Variants in RAP1GAP2 observed in about 807,000 individuals in gnomAD.
RAP1GAP2 encodes RAP1 GTPase activating protein 2.
RAP1GAP2 carries 27 observed loss-of-function variants against 95.0 expected under a neutral mutation model. The ratio of observed to expected loss-of-function variants is 0.28; its 90% CI spans 0.21 to 0.39. RAP1GAP2 has a LOEUF of 0.39. Ranked by LOEUF, RAP1GAP2 falls within the 10% of genes least tolerant of loss-of-function variation. The probability of loss-of-function intolerance (pLI) is 1.00; values close to 1 mark genes in which losing one functional copy is unlikely to be tolerated. For synonymous variants in RAP1GAP2, 373 were observed against 380.9 expected, an observed-to-expected ratio of 0.98 and a Z score of 0.24; for missense variants, 771 against 970.0, an observed-to-expected ratio of 0.79 and a Z score of 2.72.
rs183424313 is a variant in RAP1GAP2, at chr17:3,022,258, A to G, written c.1751+1663A>G. Among the ~76,000 whole-genome samples the G allele has an allele frequency of 1.6e-3, 246 of 152,354 alleles. 2 individuals carry two copies. Among genetic ancestry groups the G allele is most frequent in the Admixed American group, 6.5e-3 (100 of 15,300 alleles). On this transcript the variant is annotated intron_variant, in intron 19 of 24. Coordinates refer to ENST00000254695, the MANE Select transcript of RAP1GAP2 (RefSeq NM_015085.5). The stretch of plus-strand genomic sequence containing the variant: ...TCACAGACTCCAAATTATTAAAGAC[A>G]AATAATAACAGATGTCAGGATATGG...
At chr17:2,873,024 A>T (rs60226856) in intron 2 of RAP1GAP2, among the ~76,000 whole-genome samples, 1 of 149,910 alleles carries the variant, frequency 6.7e-6, no homozygotes, top group East Asian at 2.0e-4. Context: ...AATCGCTTGA[A>T]CCCGAGGGGC....
chr17:2,847,877 G>A (rs1021732593), intron 2 of RAP1GAP2, among the ~76,000 whole-genome samples: 5 of 152,082 alleles, frequency 3.3e-5, no homozygotes, highest in African/African-American at 7.2e-5. Flanking sequence ...CTTCCTGTTC[G>A]TCAGAAATTT....
In RAP1GAP2 at chr17:2,940,545, T is replaced by C. The variant is rs116650619; in HGVS notation, c.166-17214T>C. Among the ~76,000 whole-genome samples, 1,438 of 152,290 alleles carry C rather than the reference T, an allele frequency of 9.4e-3. 20 individuals carry two copies. Among genetic ancestry groups the C allele is most frequent in the African/African-American group, 0.033 (1,363 of 41,564 alleles). ...TGGCCAGGCTGCGGGTCCCGCCCTC[T>C]CTTCTTTGGGCTGTGGTTCTGGGGA... On this transcript the variant is annotated intron_variant, in intron 3 of 24. Coordinates refer to ENST00000254695, the MANE Select transcript of RAP1GAP2 (RefSeq NM_015085.5).
rs917540694 is a variant in RAP1GAP2 at position 2,891,814 on chromosome 17, C to CTTTTTTTTTTTTTTTTTT, written c.81-13461_81-13444dup. Reference sequence around the variant, plus strand: ...TGATATGCAGATTCATATTTCTTTTCTTTTTTTTTTTTTTTTTTTTTTTTT... The same window carrying CTTTTTTTTTTTTTTTTTT: ...TGATATGCAGATTCATATTTCTTTTCTTTTTTTTTTTTTTTTTTTTTTTTTTTTTTTTTTTTTTTTTTT... On this transcript the variant is annotated intron_variant, in intron 2 of 24. Transcript: ENST00000254695. Among the ~76,000 whole-genome samples the CTTTTTTTTTTTTTTTTTT allele has an allele frequency of 6.4e-4, 35 of 54,284 alleles. 6 individuals are homozygous for CTTTTTTTTTTTTTTTTTT. The highest frequency in any genetic ancestry group is 1.7e-3 in the African/African-American group (24 of 14,272). The allele number at this position is 54,284 out of a possible 152,430, so 35.6% of individuals were successfully genotyped here. A position where few individuals can be genotyped will look rare whatever the true frequency, so the allele number is the denominator to read the frequency against.
rs76360916 is a variant in RAP1GAP2 at position 2,870,846 on chromosome 17, C to T, written c.81-34438C>T. ...GCATTGGCAGAACTCCTCTCTGTCTCGTCACTGTGTCTCTTTGTGTTGGCT... is the reference window on the plus strand; with the variant it reads ...GCATTGGCAGAACTCCTCTCTGTCTTGTCACTGTGTCTCTTTGTGTTGGCT... On this transcript the variant is annotated intron_variant, in intron 2 of 24. Transcript: ENST00000254695. The surrounding 1 kb of genome is among the most constrained non-coding windows in gnomAD (Gnocchi z 4.4). 9.5e-3 allele frequency among the ~76,000 whole-genome samples: 1,445 copies of T among 152,312 alleles called. 18 individuals are homozygous for T. Among genetic ancestry groups the T allele is most frequent in the African/African-American group, 0.033 (1,389 of 41,570 alleles).
intron 3 of RAP1GAP2, among the ~76,000 whole-genome samples, chr17:2,940,261 C>T (rs2043446357): frequency 6.6e-6 from 1 of 152,096 alleles, no homozygotes; most frequent in South Asian, 2.1e-4. Flanking sequence ...ACAGAGGGGC[C>T]TCTGGGTGGG....
intron 8 of RAP1GAP2, among the ~76,000 whole-genome samples, chr17:2,973,195 G>A (rs1395745025): frequency 6.6e-6 from 1 of 152,112 alleles, no homozygotes; most frequent in Admixed American, 6.6e-5. Context: ...GAAGGGAGAA[G>A]GTCATGATCA....
At position 3,005,836 on chromosome 17, in the gene RAP1GAP2, G is replaced by T; in HGVS notation, c.1273-119G>T. The T allele has an allele frequency of 2.1e-6, 2 of 954,696 alleles. No homozygotes were observed. Among genetic ancestry groups the T allele is most frequent in the East Asian group, 2.4e-5 (1 of 41,162 alleles). 59.1% of individuals were successfully genotyped at this position (954,696 alleles called of 1,614,324 possible). A position where few individuals can be genotyped will look rare whatever the true frequency, so the allele number is the denominator to read the frequency against. On this transcript the variant is annotated intron_variant, in intron 15 of 24. Transcript: ENST00000254695. The surrounding 1 kb of genome is among the most constrained non-coding windows in gnomAD (Gnocchi z 5.2). ...CTGGGCTAGAAATGATCCGCTGTCG[G>T]AAGGGACTTTTCAGGGGTTCTCCCC...
intron 2 of RAP1GAP2, among the ~76,000 whole-genome samples, chr17:2,822,279 CA>C (rs2070337896): frequency 6.6e-6 from 1 of 152,150 alleles, no homozygotes; most frequent in African/African-American, 2.4e-5. Context: ...AACAGTTCCC[CA>C]AAAGGCACAA....
chr17:2,990,455 C>T (rs899526987), intron 11 of RAP1GAP2, among the ~76,000 whole-genome samples: 1 of 150,656 alleles, frequency 6.6e-6, no homozygotes, highest in Non-Finnish European at 1.5e-5. Flanking sequence ...GGTGACTCTG[C>T]GTTTAGCTTT....
chr17:3,037,724 T>G lies in RAP1GAP2; in HGVS notation c.*4363T>G, dbSNP rs2047512113. ...TGTCTTTGCAGAAATTGACAATAAA[T>G]AACATATTTTGTGTCCATCAGTGTT... is the stretch of plus-strand genomic sequence containing the variant. On this transcript the variant is annotated 3_prime_UTR_variant, in exon 25 of 25. Transcript: ENST00000254695. 2 of 152,342 alleles carry G rather than the reference T, an allele frequency of 1.3e-5. No homozygotes were observed. The highest frequency in any genetic ancestry group is 4.1e-4 in the South Asian group (2 of 4,826). The allele number at this position is 152,342 out of a possible 1,614,324, so 9.4% of individuals were successfully genotyped here. A position where few individuals can be genotyped will look rare whatever the true frequency, so the allele number is the denominator to read the frequency against.
At chr17:2,895,254 C>G (rs1325390321) in intron 2 of RAP1GAP2, among the ~76,000 whole-genome samples, 1 of 152,176 alleles carries the variant, frequency 6.6e-6, no homozygotes, top group East Asian at 1.9e-4. Context: ...CCTCGGGGGC[C>G]CGCGGGGAGG....
At chr17:2,918,369 G>GT (rs978595655) in intron 3 of RAP1GAP2, among the ~76,000 whole-genome samples, 2 of 146,502 alleles carry the variant, frequency 1.4e-5, no homozygotes, top group African/African-American at 5.1e-5. Flanking sequence ...GGAGGTGGAG[G>GT]TTGCAGTGAG....
chr17:2,867,869 A>G lies in RAP1GAP2; in HGVS notation c.81-37415A>G, dbSNP rs559756760. On this transcript the variant is annotated intron_variant, in intron 2 of 24. Transcript: ENST00000254695. This position sits in a 1 kb window ranked among gnomAD's most constrained non-coding sequence, Gnocchi z 4.5. ...CAGCTGCTGGTACCCTCCCAGACGC[A>G]AGGAGGCTTCCTTCTGCCTTGGCTG... Among the ~76,000 whole-genome samples, 193 of 152,188 alleles carry G rather than the reference A, an allele frequency of 1.3e-3. No individual in the cohort carries two copies. Among genetic ancestry groups the G allele is most frequent in the African/African-American group, 4.4e-3 (184 of 41,528 alleles).
intron 2 of RAP1GAP2, among the ~76,000 whole-genome samples, chr17:2,841,169 C>G (rs1444931031): frequency 6.6e-6 from 1 of 151,640 alleles, no homozygotes; most frequent in East Asian, 1.9e-4. Flanking sequence ...AACAAACAAA[C>G]AAACAATAAA....
chr17:2,794,951 C>G (rs2069028854), upstream of RAP1GAP2, among the ~76,000 whole-genome samples: 1 of 141,822 alleles, frequency 7.1e-6, no homozygotes, highest in Non-Finnish European at 1.5e-5. Flanking sequence ...GATCTTGGCT[C>G]ACTGCAACCT....
At chr17:2,997,933 A>AAG (rs1200450092) in intron 13 of RAP1GAP2, among the ~76,000 whole-genome samples, 36 of 151,884 alleles carry the variant, frequency 2.4e-4, no homozygotes, top group African/African-American at 8.4e-4. Flanking sequence ...AAAAAAAAAA[A>AAG]AAAAAGAAAA....
chr17:2,839,500 AC>A (rs1164687146), intron 2 of RAP1GAP2, among the ~76,000 whole-genome samples: 1 of 152,166 alleles, frequency 6.6e-6, no homozygotes, highest in African/African-American at 2.4e-5. Context: ...TAATTAATGA[AC>A]CTAGACTGAT....
chr17:2,776,714 G>T (rs2068508600), upstream of RAP1GAP2, among the ~76,000 whole-genome samples: 1 of 149,476 alleles, frequency 6.7e-6, no homozygotes, highest in Non-Finnish European at 1.5e-5. Flanking sequence ...GCGGCGAGGG[G>T]CGCCAGGTGT....
Sources: allele counts gnomAD v4.1 joint callset (sites outside exome capture counted in the v4.1 genomes callset), GRCh38; gene constraint gnomAD v4.1.1; non-coding constraint Gnocchi (gnomAD v3.1); transcripts MANE v1.5; gene names NCBI Gene and HGNC (gene_info 2026-07-23, HGNC 2026-07-21).